The following DROSHA variants were observed in gnomAD, a reference collection of about 807,000 sequenced individuals.
DROSHA encodes drosha ribonuclease III.
In DROSHA, 56 loss-of-function variants were observed where a neutral mutation model predicts 181.9. That is an observed-to-expected ratio of 0.31 (90% CI 0.25 to 0.38). The LOEUF (loss-of-function observed/expected upper bound fraction) is 0.38. Ranked by LOEUF, DROSHA falls within the 10% of genes least tolerant of loss-of-function variation. The pLI, the probability that DROSHA is intolerant of heterozygous loss-of-function variation, is 1.00. For synonymous variants in DROSHA, 524 were observed against 591.2 expected (o/e 0.89, Z 1.65); for missense variants, 1,218 against 1,743.5 (o/e 0.70, Z 5.37).
intron 3 of DROSHA, among the ~76,000 whole-genome samples, chr5:31,529,796 A>C (rs1741058695): frequency 6.6e-6 from 1 of 152,026 alleles, no homozygotes; most frequent in Admixed American, 6.6e-5. Flanking sequence ...CAAAAATCAC[A>C]GTGAGACCAG....
In DROSHA at chr5:31,400,745, C is replaced by T. The variant is rs1370774190; in HGVS notation, c.*687G>A. ...GACTTCCTTGAAGTCTGTTCATTAA[C>T]TTCTTAAAGGTTCCACTAACCCCAG... is the stretch of plus-strand genomic sequence containing the variant. On this transcript the variant is annotated 3_prime_UTR_variant, in exon 36 of 36. Transcript: ENST00000344624. 6.6e-6 allele frequency: 1 copy of T among 152,402 alleles called. No individual in the cohort carries two copies. The highest frequency in any genetic ancestry group is 1.5e-5 in the Non-Finnish European group (1 of 68,230). The allele number at this position is 152,402 out of a possible 1,614,324, so 9.4% of individuals were successfully genotyped here.
intron 15 of DROSHA, among the ~76,000 whole-genome samples, chr5:31,484,353 C>A (rs1751455851): frequency 8.5e-6 from 1 of 117,792 alleles, no homozygotes; most frequent in African/African-American, 3.6e-5. Context: ...CGCAGTCCGG[C>A]CTGGGCGACA....
rs1749031373 is a variant in DROSHA at position 31,466,531 on chromosome 5, A to G, written c.2367-250T>C. Reference sequence around the variant, plus strand: ...TCAGTTGGAAATGAGGTGTGACTATATGAATGAATCTCTGGAAAGAATTCC... The same window carrying G: ...TCAGTTGGAAATGAGGTGTGACTATGTGAATGAATCTCTGGAAAGAATTCC... On this transcript the variant is annotated intron_variant, in intron 18 of 35. Transcript: ENST00000344624. 1.5e-5 allele frequency: 5 copies of G among 333,594 alleles called. No homozygotes were observed. The South Asian group carries it at 2.1e-4, about 14-fold the overall frequency. The allele number at this position is 333,594 out of a possible 1,614,324, so 20.7% of individuals were successfully genotyped here.
At chr5:31,445,398 A>G (rs1746126036) in intron 23 of DROSHA, among the ~76,000 whole-genome samples, 1 of 152,224 alleles carries the variant, frequency 6.6e-6, no homozygotes, top group Admixed American at 6.5e-5. Context: ...GTATCTCATA[A>G]AACCAGGAAA....
intron 23 of DROSHA, among the ~76,000 whole-genome samples, chr5:31,441,643 G>A (rs1745610811): frequency 1.3e-5 from 2 of 152,240 alleles, no homozygotes; most frequent in South Asian, 2.1e-4. Context: ...ATCATTCTTG[G>A]AGAAAACATC....
In DROSHA at chr5:31,484,376, G is replaced by A. The variant is rs1384585534; in HGVS notation, c.1996+505C>T. On this transcript the variant is annotated intron_variant, in intron 15 of 35. Transcript: ENST00000344624. ...GGCCTGGGCGACAGAGCGAGACTCC[G>A]TCTCAAAAAAAAAAAAAAAAAAAAA... is the stretch of plus-strand genomic sequence containing the variant. 6.6e-4 allele frequency among the ~76,000 whole-genome samples: 38 copies of A among 57,394 alleles called. 1 individual carries two copies. The highest frequency in any genetic ancestry group is 1.7e-4 in the Non-Finnish European group (6 of 35,658). 37.7% of individuals were successfully genotyped at this position (57,394 alleles called of 152,430 possible). A position where few individuals can be genotyped will look rare whatever the true frequency, so the allele number is the denominator to read the frequency against.
intron 20 of DROSHA, among the ~76,000 whole-genome samples, chr5:31,452,296 T>C (rs565780938): frequency 1.3e-5 from 2 of 152,338 alleles, no homozygotes; most frequent in East Asian, 3.9e-4. Flanking sequence ...ACGACTATCC[T>C]TGAAGAGCTT....
In DROSHA at chr5:31,433,455, A is replaced by G. The variant is rs144496115; in HGVS notation, c.3043-1777T>C. Among the ~76,000 whole-genome samples the G allele has an allele frequency of 4.1e-3, 629 of 152,280 alleles. 4 individuals are homozygous for G. The highest frequency in any genetic ancestry group is 4.6e-3 in the Non-Finnish European group (310 of 68,022). On this transcript the variant is annotated intron_variant, in intron 25 of 35. Transcript: ENST00000344624. Reference sequence around the variant, plus strand: ...GCCATATTTTATCTTATAAACATCTACTGTATTCTGGAGTGCTGTGATGTG... The same window carrying G: ...GCCATATTTTATCTTATAAACATCTGCTGTATTCTGGAGTGCTGTGATGTG...
At chr5:31,464,050 C>T in intron 20 of DROSHA, 186 bp downstream of exon 20, 2 of 604,560 alleles carry the variant, frequency 3.3e-6, no homozygotes, top group South Asian at 2.0e-5. Flanking sequence ...TACACACACA[C>T]ACCAGCATCA....
At chr5:31,410,973 G>A (rs763217188) in intron 30 of DROSHA, 86 bp from the exon 31 acceptor site, 76 of 1,559,524 alleles carry the variant, frequency 4.9e-5, no homozygotes, top group Non-Finnish European at 6.5e-5. Context: ...TAGCCTGAGA[G>A]GCTGTCACTG....
chr5:31,431,925 G>C (rs892621918), intron 25 of DROSHA, among the ~76,000 whole-genome samples: 1 of 152,078 alleles, frequency 6.6e-6, no homozygotes, highest in Non-Finnish European at 1.5e-5. Flanking sequence ...GTTCAAGTAG[G>C]GTTCAGAATT....
intron 6 of DROSHA, among the ~76,000 whole-genome samples, chr5:31,516,440 T>C (rs1348609531): frequency 6.6e-6 from 1 of 152,186 alleles, no homozygotes; most frequent in East Asian, 1.9e-4. Context: ...CAGATCAAAG[T>C]AATAAGTATT....
chr5:31,410,880 C>T lies in DROSHA; in HGVS notation c.3533G>A (p.Arg1178Gln), dbSNP rs1236254462. Residue 1178 changes from arginine (R) to glutamine (Q), a missense_variant, in exon 31 of 36, where the codon CGA (arginine) becomes CAA (glutamine). Arg to Gln is a conservative substitution (Grantham distance 43). Coordinates refer to ENST00000344624, the MANE Select transcript of DROSHA (RefSeq NM_001382508.1). ...DHHEGHLTLL[R>Q]SSLVNNRTQA... is the part of the protein sequence containing the mutation. Reference sequence around the variant, plus strand: ...AGTTCTATTATTCACCAAAGAGCTTCGCAACAACTGCCCAAAAGGAATGGC... The same window carrying T: ...AGTTCTATTATTCACCAAAGAGCTTTGCAACAACTGCCCAAAAGGAATGGC... 8 of 1,613,766 alleles carry T rather than the reference C, an allele frequency of 5.0e-6. No individual in the cohort carries two copies. Among genetic ancestry groups the T allele is most frequent in the Non-Finnish European group, 5.9e-6 (7 of 1,179,760 alleles).
intron 10 of DROSHA, among the ~76,000 whole-genome samples, chr5:31,505,452 G>A (rs1042603524): frequency 3.9e-5 from 6 of 152,172 alleles, no homozygotes; most frequent in African/African-American, 2.4e-5. Flanking sequence ...AGAGAAGGCA[G>A]AAGGTCCACA....
intron 30 of DROSHA, among the ~76,000 whole-genome samples, chr5:31,414,111 C>T (rs559540801): frequency 2.0e-5 from 3 of 152,216 alleles, no homozygotes; most frequent in Admixed American, 6.5e-5. Context: ...GGGAGGAGAG[C>T]TGATGCAGTG....
At chr5:31,513,639 C>T (rs1738942976) in intron 8 of DROSHA, among the ~76,000 whole-genome samples, 1 of 152,188 alleles carries the variant, frequency 6.6e-6, no homozygotes, top group South Asian at 2.1e-4. Context: ...TCCAAAAACA[C>T]AGAAATCTCC....
intron 31 of DROSHA, 52 bp downstream of exon 31, chr5:31,410,694 T>G: frequency 6.4e-7 from 1 of 1,570,656 alleles, no homozygotes; most frequent in East Asian, 2.3e-5. Flanking sequence ...ATACGGTTAC[T>G]TGGACTTAAA....
chr5:31,532,020 C>T lies in DROSHA; in HGVS notation c.-280G>A. 3.7e-6 allele frequency: 1 copy of T among 273,714 alleles called. No homozygotes were observed. The highest frequency in any genetic ancestry group is 7.0e-6 in the Non-Finnish European group (1 of 142,164). The allele number at this position is 273,714 out of a possible 1,614,324, so 17.0% of individuals were successfully genotyped here. On this transcript the variant is annotated 5_prime_UTR_variant, in exon 1 of 36. Coordinates refer to ENST00000344624, the MANE Select transcript of DROSHA (RefSeq NM_001382508.1). The stretch of plus-strand genomic sequence containing the variant: ...AAAGGCTCTCGGGCCGCGAGATCGC[C>T]GTCAGAGCAAAGCCAGGCTACTACC...
rs769605158 is a variant in DROSHA at position 31,401,336 on chromosome 5, CTTCATTCA to C, written c.*88_*95del. The C allele has an allele frequency of 1.3e-6, 2 of 1,506,504 alleles. No homozygotes were observed. The highest frequency in any genetic ancestry group is 1.7e-5 in the Admixed American group (1 of 59,146). The allele number at this position is 1,506,504 out of a possible 1,614,324, so 93.3% of individuals were successfully genotyped here. A position where few individuals can be genotyped will look rare whatever the true frequency, so the allele number is the denominator to read the frequency against. ...TCTGTATTTTATTTCAATGAGCACA[CTTCATTCA>C]TTGTCTGCAGGAAAACTAGGCTAGG... On this transcript the variant is annotated 3_prime_UTR_variant, in exon 36 of 36. Coordinates refer to ENST00000344624, the MANE Select transcript of DROSHA (RefSeq NM_001382508.1).
Sources: gnomAD v4.1 joint callset for allele counts (sites outside exome capture counted in the v4.1 genomes callset) on GRCh38, gnomAD v4.1.1 for gene constraint, MANE v1.5 for transcripts, NCBI Gene and HGNC (gene_info 2026-07-23, HGNC 2026-07-21) for gene names.